Variants in GPC3 observed in about 807,000 individuals in gnomAD.
GPC3 encodes the protein glypican 3, also known as glypican-3.
In GPC3, 3 loss-of-function variants were observed where a neutral mutation model predicts 34.4. The observed-to-expected ratio is 0.09, with a 90% CI of 0.04 to 0.23. GPC3 has a LOEUF of 0.23. Among genes scored for constraint, GPC3 ranks in the 10% least tolerant of loss-of-function variants. GPC3 has a pLI of 1.00. For synonymous variants in GPC3, 177 were observed against 174.0 expected, an observed-to-expected ratio of 1.02 and a Z score of -0.13; for missense variants, 351 against 445.6, an observed-to-expected ratio of 0.79 and a Z score of 1.91.
intron 2 of GPC3, among the ~76,000 whole-genome samples, chrX:133,787,228 A>G (rs1243854293): frequency 9.8e-5 from 11 of 112,085 alleles, no homozygotes; most frequent in Non-Finnish European, 1.3e-4. Flanking sequence ...ACATTTATCA[A>G]TGGCAAAGGA....
At chrX:133,975,478 AGT>A (rs2124649067) in intron 1 of GPC3, among the ~76,000 whole-genome samples, 1 of 109,538 alleles carries the variant, frequency 9.1e-6, no homozygotes, top group Admixed American at 9.8e-5. Flanking sequence ...CCCAGGCTGG[AGT>A]GTGGTGGTAT....
At chrX:133,661,564 C>CTCTT (rs1375593541) in intron 6 of GPC3, among the ~76,000 whole-genome samples, 166 bp downstream of exon 6, 17 of 66,110 alleles carry the variant, frequency 2.6e-4, no homozygotes, top group South Asian at 1.8e-3. Context: ...GGCTATATCT[C>CTCTT]TCTTTCTCTC....
At chrX:133,881,890 TG>T (rs2076043133) in intron 2 of GPC3, among the ~76,000 whole-genome samples, 1 of 112,627 alleles carries the variant, frequency 8.9e-6, no homozygotes. Context: ...AAAGATCTGC[TG>T]GTTTTCAATA....
At position 133,655,508 on chromosome X, in the gene GPC3, A is replaced by C. The variant is rs62601594; in HGVS notation, c.1413+6222T>G. Among the ~76,000 whole-genome samples, 817 of 103,027 alleles carry C rather than the reference A, an allele frequency of 7.9e-3. 7 individuals carry two copies. Among genetic ancestry groups the C allele is most frequent in the Middle Eastern group, 0.044 (9 of 205 alleles). 89.5% of individuals were successfully genotyped at this position (103,027 alleles called of 115,157 possible). ...CACACACACACACACACACACACCC[A>C]CACACACACACACACACACATTCTG... On this transcript the variant is annotated intron_variant, in intron 6 of 7. Coordinates refer to ENST00000370818, the MANE Select transcript of GPC3 (RefSeq NM_004484.4).
intron 3 of GPC3, among the ~76,000 whole-genome samples, chrX:133,728,226 C>T (rs188082904): frequency 2.7e-5 from 3 of 112,024 alleles, no homozygotes; most frequent in Non-Finnish European, 3.8e-5. Flanking sequence ...CTTTTGGCTT[C>T]ACTTCTCAGA....
At chrX:133,727,765 GT>G (rs1448084382) in intron 3 of GPC3, among the ~76,000 whole-genome samples, 2 of 111,671 alleles carry the variant, frequency 1.8e-5, no homozygotes, top group African/African-American at 6.5e-5. Flanking sequence ...GGGTTCCAAT[GT>G]TTCTTAGGCA....
At chrX:133,828,605 ATC>A (rs1419358742) in intron 2 of GPC3, among the ~76,000 whole-genome samples, 1 of 111,853 alleles carries the variant, frequency 8.9e-6, no homozygotes, top group Non-Finnish European at 1.9e-5. Context: ...TCTCCAATTA[ATC>A]TCACTTACAT....
chrX:133,902,662 A>G (rs1248184596), intron 2 of GPC3, among the ~76,000 whole-genome samples: 1 of 111,764 alleles, frequency 8.9e-6, no homozygotes. Context: ...GGCAGAGGTT[A>G]CAGTGAGCCA....
At chrX:133,763,651 G>T (rs2071819689) in intron 2 of GPC3, 1 of 750,940 alleles carries the variant, frequency 1.3e-6, no homozygotes, top group East Asian at 3.2e-5. Context: ...TCAGGCCACT[G>T]AATGGGTAGG....
At chrX:133,943,628 C>T (rs1472030824) in intron 2 of GPC3, among the ~76,000 whole-genome samples, 1 of 112,312 alleles carries the variant, frequency 8.9e-6, no homozygotes, top group African/African-American at 3.2e-5. Context: ...TGCTACAAGG[C>T]TTTCAAGAAA....
chrX:133,586,825 T>C (rs923725090), intron 7 of GPC3, among the ~76,000 whole-genome samples: 2 of 111,830 alleles, frequency 1.8e-5, no homozygotes, highest in East Asian at 5.6e-4. Context: ...CTTCTTTTTT[T>C]ATTTTTAACT....
At chrX:133,828,597 T>A (rs2075761042) in intron 2 of GPC3, among the ~76,000 whole-genome samples, 1 of 111,800 alleles carries the variant, frequency 8.9e-6, no homozygotes, top group African/African-American at 3.3e-5. Context: ...TATTAAAGTC[T>A]CCAATTAATC....
intron 4 of GPC3, among the ~76,000 whole-genome samples, chrX:133,694,636 GA>G (rs2071096225): frequency 9.1e-6 from 1 of 109,376 alleles, no homozygotes; most frequent in African/African-American, 3.3e-5. Context: ...TCTCTTAAAG[GA>G]AAGAGTTTCC....
chrX:133,720,453 T>C (rs776535764), intron 3 of GPC3, among the ~76,000 whole-genome samples: 1 of 111,841 alleles, frequency 8.9e-6, no homozygotes, highest in South Asian at 3.8e-4. Context: ...GAGGAGTTCC[T>C]CTGTACAAGC....
intron 6 of GPC3, among the ~76,000 whole-genome samples, chrX:133,649,678 C>T (rs1032481708): frequency 3.6e-5 from 4 of 111,834 alleles, no homozygotes; most frequent in Non-Finnish European, 7.5e-5. Flanking sequence ...TGACTGCCTT[C>T]GAGCATCCAT....
At chrX:133,722,243 C>A (rs774335440) in intron 3 of GPC3, among the ~76,000 whole-genome samples, 3 of 111,550 alleles carry the variant, frequency 2.7e-5, no homozygotes, top group African/African-American at 9.8e-5. Context: ...ACAATTAAGA[C>A]TTGAGTCTGA....
chrX:133,832,025 G>A (rs1212120822), intron 2 of GPC3, among the ~76,000 whole-genome samples: 5 of 111,993 alleles, frequency 4.5e-5, no homozygotes, highest in Non-Finnish European at 9.4e-5. Flanking sequence ...GCTCACACCT[G>A]TAATCCCAGC....
At chrX:133,704,430 C>T (rs886862755) in intron 3 of GPC3, among the ~76,000 whole-genome samples, 21 of 106,309 alleles carry the variant, frequency 2.0e-4, no homozygotes, top group Non-Finnish European at 3.1e-4. Context: ...ATAAGTTTTA[C>T]GTCACACGAG....
intron 1 of GPC3, among the ~76,000 whole-genome samples, chrX:133,962,343 G>T (rs774867554): frequency 5.8e-4 from 65 of 111,975 alleles, no homozygotes; most frequent in South Asian, 1.1e-3. Context: ...AAGGACCCTT[G>T]AGTGATTCAT....
Sources: allele counts gnomAD v4.1 joint callset (sites outside exome capture counted in the v4.1 genomes callset), GRCh38; gene constraint gnomAD v4.1.1; transcripts MANE v1.5; gene names NCBI Gene and HGNC (gene_info 2026-07-23, HGNC 2026-07-21).